LPA: variants seen among roughly 807,000 people sequenced by gnomAD.
LPA encodes the protein lipoprotein(a).
Under a neutral mutation model 197.9 loss-of-function variants are expected in LPA, and 199 were observed. The ratio of observed to expected loss-of-function variants is 1.01; its 90% CI spans 0.90 to 1.13. The LOEUF (loss-of-function observed/expected upper bound fraction) is 1.13. Ranked by LOEUF, LPA falls within the 50% of genes most tolerant of loss-of-function variation. The pLI is 0.00. For synonymous variants in LPA, 715 were observed against 639.5 expected (o/e 1.12, Z -1.78); for missense variants, 1,853 against 1,785.8 (o/e 1.04, Z -0.68).
chr6:160,656,162 G>A (rs1307752343), intron 1 of LPA, among the ~76,000 whole-genome samples: 1 of 152,198 alleles, frequency 6.6e-6, no homozygotes, highest in Non-Finnish European at 1.5e-5. Context: ...GGTCAAATGG[G>A]AGAGTTGAAC....
intron 28 of LPA, among the ~76,000 whole-genome samples, chr6:160,575,056 C>A (rs1181716097): frequency 2.0e-5 from 3 of 152,130 alleles, no homozygotes; most frequent in Non-Finnish European, 2.9e-5. Context: ...AATCTTTTTT[C>A]CTCTGGCTTA....
intron 28 of LPA, among the ~76,000 whole-genome samples, chr6:160,571,350 G>A (rs1778558398): frequency 6.6e-6 from 1 of 152,116 alleles, no homozygotes; most frequent in African/African-American, 2.4e-5. Context: ...ATTATCTTCT[G>A]AAACCAGGAC....
chr6:160,604,750 G>T (rs934150745), intron 18 of LPA, among the ~76,000 whole-genome samples: 5 of 152,076 alleles, frequency 3.3e-5, no homozygotes, highest in Non-Finnish European at 5.9e-5. Flanking sequence ...AACCTTAGTG[G>T]GTGTTGTGGA....
intron 30 of LPA, among the ~76,000 whole-genome samples, 186 bp from the exon 31 acceptor site, chr6:160,548,845 T>G (rs1221686282): frequency 6.6e-6 from 1 of 152,202 alleles, no homozygotes; most frequent in Non-Finnish European, 1.5e-5. Context: ...CTTTCAAAGA[T>G]AGATGATAAT....
At chr6:160,541,034 A>G (rs1777972969) in intron 35 of LPA, 73 bp downstream of exon 35, 1 of 1,260,502 alleles carries the variant, frequency 7.9e-7, no homozygotes, top group Non-Finnish European at 1.2e-6. Context: ...GGGAAGAAAG[A>G]AGGGATGGAG....
At chr6:160,575,973 G>T (rs1463296751) in intron 28 of LPA, among the ~76,000 whole-genome samples, 7 of 152,046 alleles carry the variant, frequency 4.6e-5, no homozygotes, top group African/African-American at 1.7e-4. Context: ...CATCAAGACT[G>T]CTGTGGTCTT....
At position 160,550,477 on chromosome 6, in the gene LPA, T is replaced by C. The variant is rs1311525123; in HGVS notation, c.4974-1818A>G. Among the ~76,000 whole-genome samples, 3 of 152,212 alleles carry C rather than the reference T, an allele frequency of 2.0e-5. No homozygotes were observed. The East Asian group carries it at 5.8e-4, about 29-fold the overall frequency. On this transcript the variant is annotated intron_variant, in intron 30 of 38. Transcript: ENST00000316300. Reference sequence around the variant, plus strand: ...CCAGCAAGCTGGTTCTCCAAGCAGCTGGCTGTGTTAGCAAGTATAGTATAT... The same window carrying C: ...CCAGCAAGCTGGTTCTCCAAGCAGCCGGCTGTGTTAGCAAGTATAGTATAT...
chr6:160,607,640 C>T (rs952184934), intron 16 of LPA, among the ~76,000 whole-genome samples: 1 of 152,106 alleles, frequency 6.6e-6, no homozygotes, highest in East Asian at 1.9e-4. Flanking sequence ...CATTCATGAC[C>T]TGTGGCTGCC....
intron 1 of LPA, among the ~76,000 whole-genome samples, chr6:160,657,546 G>A (rs1030820466): frequency 3.3e-5 from 5 of 151,804 alleles, no homozygotes; most frequent in East Asian, 1.9e-4. Context: ...TTACAGTTAC[G>A]CATCACCATG....
At position 160,540,289 on chromosome 6, in the gene LPA, A is replaced by T. The variant is rs1184651339; in HGVS notation, c.5595-106T>A. On this transcript the variant is annotated intron_variant, in intron 35 of 38. Transcript: ENST00000316300. ...CCTCTGACACCCTCGGCCACCCAGA[A>T]TCAGTGACTTATGAGTGGCAAGAAA... is the stretch of plus-strand genomic sequence containing the variant. The T allele has an allele frequency of 3.9e-6, 5 of 1,297,164 alleles. No homozygotes were observed. The Admixed American group carries it at 5.2e-5, about 13-fold the overall frequency. The allele number at this position is 1,297,164 out of a possible 1,614,324, so 80.4% of individuals were successfully genotyped here. A position where few individuals can be genotyped will look rare whatever the true frequency, so the allele number is the denominator to read the frequency against.
chr6:160,576,861 T>C (rs924255454), intron 28 of LPA, among the ~76,000 whole-genome samples: 5 of 151,908 alleles, frequency 3.3e-5, no homozygotes, highest in African/African-American at 1.2e-4. Flanking sequence ...TGGTGCTGTG[T>C]TTAAGCTTTG....
At chr6:160,655,062 A>T (rs1183303209) in intron 1 of LPA, among the ~76,000 whole-genome samples, 1 of 152,180 alleles carries the variant, frequency 6.6e-6, no homozygotes, top group African/African-American at 2.4e-5. Flanking sequence ...GCCCGATCAC[A>T]TACACACCAC....
intron 27 of LPA, 93 bp downstream of exon 27, chr6:160,578,430 A>T (rs1044209828): frequency 2.3e-5 from 34 of 1,508,328 alleles, no homozygotes; most frequent in Non-Finnish European, 3.1e-5. Flanking sequence ...CCCTCAACCA[A>T]CCCTCCAGTG....
chr6:160,600,999 T>TA lies in LPA; in HGVS notation c.3044_3045insT (p.Arg1016ThrfsTer26). The stretch of plus-strand genomic sequence containing the variant: ...CAGTCCATTCTGCATCTGAGCATCG[T>TA]GTCAGGTTGCAGTACTCCCACCTGA... On this transcript the variant is annotated frameshift_variant, in exon 19 of 39. Coordinates refer to ENST00000316300, the MANE Select transcript of LPA (RefSeq NM_005577.4). LOFTEE classifies it high-confidence loss of function. 1.1e-5 allele frequency: 18 copies of TA among 1,614,090 alleles called. No individual in the cohort carries two copies. The highest frequency in any genetic ancestry group is 1.5e-5 in the Non-Finnish European group (18 of 1,179,978).
intron 28 of LPA, among the ~76,000 whole-genome samples, chr6:160,571,622 G>A (rs1778563281): frequency 6.6e-6 from 1 of 152,200 alleles, no homozygotes; most frequent in African/African-American, 2.4e-5. Flanking sequence ...GCTTTGCCAA[G>A]CTGCAGTGCA....
intron 34 of LPA, 109 bp downstream of exon 34, chr6:160,542,579 G>T (rs1777997797): frequency 6.7e-7 from 1 of 1,499,114 alleles, no homozygotes; most frequent in African/African-American, 1.4e-5. Flanking sequence ...TCAGAAAACA[G>T]AGAGGCAGGT....
chr6:160,596,369 T>A (rs1220178864), intron 20 of LPA, among the ~76,000 whole-genome samples: 1 of 152,090 alleles, frequency 6.6e-6, no homozygotes, highest in Admixed American at 6.5e-5. Flanking sequence ...CTTCCTTCCA[T>A]CTGCTTTCCT....
rs1778986983 is a variant in LPA at position 160,589,665 on chromosome 6, C to T, written c.3835G>A (p.Gly1279Arg). 1.9e-6 allele frequency: 3 copies of T among 1,613,944 alleles called. No homozygotes were observed. The South Asian group carries it at 3.3e-5, about 18-fold the overall frequency. Residue 1279 changes from glycine (G) to arginine (R), a missense_variant, in exon 24 of 39, where the codon GGA becomes AGA. Around this residue, in one of 3 missense-constraint regions of LPA, gnomAD observed 1,737 missense variants for 1,504.4 expected, o/e 1.15. Coordinates refer to ENST00000316300, the MANE Select transcript of LPA (RefSeq NM_005577.4). ...PTVQDCYHGD[G>R]QSYRGSFSTT... ...GAGAATGAGCCTCGATAACTCTGTC[C>T]ATCACCATGGTAGCAGTCCTGGACT...
At chr6:160,551,939 T>G (rs2115007006) in intron 30 of LPA, among the ~76,000 whole-genome samples, 2 of 148,250 alleles carry the variant, frequency 1.3e-5, no homozygotes, top group South Asian at 4.3e-4. Context: ...TTTGAGACAG[T>G]GTCTCATTCC....
Sources: gnomAD v4.1 joint callset for allele counts (sites outside exome capture counted in the v4.1 genomes callset) on GRCh38, gnomAD v4.1.1 for gene constraint, gnomAD v4.1.1 regional missense constraint, MANE v1.5 for transcripts, NCBI Gene and HGNC (gene_info 2026-07-23, HGNC 2026-07-21) for gene names.